PCDH9: variants seen among roughly 807,000 people sequenced by gnomAD.
PCDH9 encodes protocadherin 9.
In PCDH9, 24 loss-of-function variants were observed where a neutral mutation model predicts 70.6. The ratio of observed to expected loss-of-function variants is 0.34; its 90% CI spans 0.25 to 0.48. The LOEUF is 0.48. Ranked by LOEUF, PCDH9 falls within the 20% of genes least tolerant of loss-of-function variation. The pLI is 0.99. For synonymous variants in PCDH9, 562 were observed against 558.5 expected, an observed-to-expected ratio of 1.01 and a Z score of -0.09; for missense variants, 1,281 against 1,503.6, an observed-to-expected ratio of 0.85 and a Z score of 2.45.
intron 4 of PCDH9, among the ~76,000 whole-genome samples, chr13:66,481,901 A>T (rs943249860): frequency 1.3e-5 from 2 of 152,140 alleles, no homozygotes; most frequent in African/African-American, 4.8e-5. Flanking sequence ...AATACTTCAG[A>T]AAATACTGAA....
intron 2 of PCDH9, chr13:67,210,785 A>G (rs1165172706): frequency 6.6e-6 from 1 of 152,026 alleles, no homozygotes; most frequent in Non-Finnish European, 1.5e-5. Flanking sequence ...TAAAATGGGA[A>G]AATTTAAGTA....
chr13:66,696,999 G>A (rs1339063592), intron 3 of PCDH9, among the ~76,000 whole-genome samples: 1 of 151,910 alleles, frequency 6.6e-6, no homozygotes, highest in Non-Finnish European at 1.5e-5. Context: ...TCAGGAGGCT[G>A]AGGAGGGAGG....
chr13:67,092,387 T>C (rs1264279455), intron 2 of PCDH9, among the ~76,000 whole-genome samples: 2 of 152,120 alleles, frequency 1.3e-5, no homozygotes, highest in East Asian at 3.9e-4. Flanking sequence ...TTCAATAACA[T>C]GTTTTTTTTA....
chr13:66,940,721 C>T (rs1213653695), intron 2 of PCDH9, among the ~76,000 whole-genome samples: 1 of 151,256 alleles, frequency 6.6e-6, no homozygotes, highest in African/African-American at 2.4e-5. Context: ...AGTAAAAATT[C>T]CAAAGTACAT....
intron 4 of PCDH9, among the ~76,000 whole-genome samples, chr13:66,516,612 G>T (rs891361745): frequency 6.6e-6 from 1 of 151,896 alleles, no homozygotes; most frequent in Non-Finnish European, 1.5e-5. Flanking sequence ...TTGATTAATG[G>T]ATCCAATTAT....
At chr13:66,588,108 T>C (rs1407152193) in intron 4 of PCDH9, among the ~76,000 whole-genome samples, 1 of 152,060 alleles carries the variant, frequency 6.6e-6, no homozygotes, top group African/African-American at 2.4e-5. Context: ...CATTTCTAGC[T>C]TGACAGAATT....
At chr13:66,597,932 A>T (rs2077122787) in intron 4 of PCDH9, among the ~76,000 whole-genome samples, 1 of 151,816 alleles carries the variant, frequency 6.6e-6, no homozygotes, top group South Asian at 2.1e-4. Flanking sequence ...TCTCCAAAAA[A>T]AAACAAAGAT....
At chr13:66,426,657 T>C (rs1244991157) in intron 4 of PCDH9, among the ~76,000 whole-genome samples, 2 of 151,580 alleles carry the variant, frequency 1.3e-5, no homozygotes, top group Non-Finnish European at 3.0e-5. Context: ...TTAATTAAAT[T>C]CAAAGTATCT....
chr13:66,711,392 C>CAAAAA, intron 3 of PCDH9, among the ~76,000 whole-genome samples: 1 of 128,620 alleles, frequency 7.8e-6, no homozygotes, highest in African/African-American at 2.9e-5. Flanking sequence ...AAGAAAATTG[C>CAAAAA]AAAAAAAAAA....
intron 2 of PCDH9, among the ~76,000 whole-genome samples, chr13:67,103,208 GA>G (rs775922001): frequency 6.6e-6 from 1 of 151,842 alleles, no homozygotes; most frequent in Non-Finnish European, 1.5e-5. Context: ...ATGCTACAAG[GA>G]AAATAACACA....
intron 3 of PCDH9, among the ~76,000 whole-genome samples, chr13:66,692,303 TA>T (rs1474916391): frequency 6.6e-6 from 1 of 151,834 alleles, no homozygotes; most frequent in African/African-American, 2.4e-5. Context: ...TATTGAAAAA[TA>T]AAAAAAGCAT....
intron 4 of PCDH9, among the ~76,000 whole-genome samples, chr13:66,353,665 C>A (rs192736772): frequency 6.6e-6 from 1 of 152,082 alleles, no homozygotes; most frequent in African/African-American, 2.4e-5. Context: ...TTAAACTACA[C>A]TCATTTCAAC....
At chr13:66,637,500 T>G (rs9540844) in intron 3 of PCDH9, among the ~76,000 whole-genome samples, 129,297 of 152,150 alleles carry the variant, frequency 0.85, 55,712 homozygotes, top group Admixed American at 0.92. Context: ...TGAGTCATTT[T>G]ATCATTTGTA....
At chr13:66,887,265 T>C (rs2082022180) in intron 3 of PCDH9, among the ~76,000 whole-genome samples, 1 of 152,108 alleles carries the variant, frequency 6.6e-6, no homozygotes, top group Admixed American at 6.6e-5. Flanking sequence ...AGTGGGATGA[T>C]GGTATTTCAG....
chr13:66,561,708 G>A (rs1477655422), intron 4 of PCDH9, among the ~76,000 whole-genome samples: 1 of 151,926 alleles, frequency 6.6e-6, no homozygotes, highest in Non-Finnish European at 1.5e-5. Flanking sequence ...TAATCTAGTG[G>A]GGACATGGAG....
intron 4 of PCDH9, among the ~76,000 whole-genome samples, chr13:66,414,888 T>C (rs1957435948): frequency 6.6e-6 from 1 of 152,126 alleles, no homozygotes; most frequent in African/African-American, 2.4e-5. Context: ...TGGATATCTG[T>C]TTTCCTGTAT....
At chr13:66,724,049 T>A (rs1423173356) in intron 3 of PCDH9, among the ~76,000 whole-genome samples, 1 of 152,208 alleles carries the variant, frequency 6.6e-6, no homozygotes, top group Non-Finnish European at 1.5e-5. Flanking sequence ...GAAATGAAAG[T>A]CACCAGTGGG....
At chr13:67,000,456 A>G (rs1441572644) in intron 2 of PCDH9, among the ~76,000 whole-genome samples, 3 of 150,990 alleles carry the variant, frequency 2.0e-5, no homozygotes, top group South Asian at 2.1e-4. Context: ...CATTGTGCAC[A>G]TGTACCCTAA....
At chr13:66,667,398 T>G (rs182696072) in intron 3 of PCDH9, among the ~76,000 whole-genome samples, 1 of 152,228 alleles carries the variant, frequency 6.6e-6, no homozygotes, top group Non-Finnish European at 1.5e-5. Flanking sequence ...TTTTACAGAA[T>G]GGATGTTTAC....
Sources: gnomAD v4.1 joint callset for allele counts (sites outside exome capture counted in the v4.1 genomes callset) on GRCh38, gnomAD v4.1.1 for gene constraint, MANE v1.5 for transcripts, NCBI Gene and HGNC (gene_info 2026-07-23, HGNC 2026-07-21) for gene names.